The following TIAM1 variants were observed in gnomAD, a reference collection of about 807,000 sequenced individuals.
TIAM1 encodes rho guanine nucleotide exchange factor TIAM1.
A neutral mutation model predicts 163.5 loss-of-function variants in TIAM1; 65 were observed. The ratio of observed to expected loss-of-function variants is 0.40; its 90% CI spans 0.33 to 0.49. The LOEUF (loss-of-function observed/expected upper bound fraction) is 0.49. TIAM1 is among the 20% of genes least tolerant of loss of function. The probability of loss-of-function intolerance (pLI) is 0.77; values close to 1 mark genes in which losing one functional copy is unlikely to be tolerated. For synonymous variants in TIAM1, 833 were observed against 810.1 expected (o/e 1.03, Z -0.48); for missense variants, 1,789 against 2,044.7 (o/e 0.87, Z 2.41).
intron 15 of TIAM1, among the ~76,000 whole-genome samples, chr21:31,171,395 T>C (rs2084506907): frequency 6.6e-6 from 1 of 152,226 alleles, no homozygotes; most frequent in South Asian, 2.1e-4. Context: ...TAAACACTTT[T>C]GTTTGTAAAA....
chr21:31,294,525 G>A (rs1167093055), intron 2 of TIAM1, among the ~76,000 whole-genome samples: 4 of 152,098 alleles, frequency 2.6e-5, no homozygotes, highest in South Asian at 2.1e-4. Context: ...TGTTAACTTC[G>A]GGAAAATCAG....
rs56691495 is a variant in TIAM1, at chr21:31,473,429, C to CAAAAAAAAAAAAAA, written c.-421-9408_-421-9395dup. 9.2e-5 allele frequency among the ~76,000 whole-genome samples: 7 copies of CAAAAAAAAAAAAAA among 75,738 alleles called. 1 individual carries two copies. The highest frequency in any genetic ancestry group is 8.5e-5 in the African/African-American group (2 of 23,618). The allele number at this position is 75,738 out of a possible 152,430, so 49.7% of individuals were successfully genotyped here. A position where few individuals can be genotyped will look rare whatever the true frequency, so the allele number is the denominator to read the frequency against. Reference sequence around the variant, plus strand: ...TGGGGGACAGATCAAGACTCCATCTCAAAAAAAAAAAAAAAAAAAAAAAAA... The same window carrying CAAAAAAAAAAAAAA: ...TGGGGGACAGATCAAGACTCCATCTCAAAAAAAAAAAAAAAAAAAAAAAAAAAAAAAAAAAAAAA... On this transcript the variant is annotated intron_variant, in intron 1 of 28. Coordinates refer to the TIAM1 transcript ENST00000286827.
chr21:31,532,771 C>T (rs937777330), intron 1 of TIAM1, among the ~76,000 whole-genome samples: 13 of 152,222 alleles, frequency 8.5e-5, no homozygotes, highest in African/African-American at 2.2e-4. Context: ...GCATGGGCAA[C>T]GTGGCCAAAT....
intron 13 of TIAM1, among the ~76,000 whole-genome samples, chr21:31,194,456 T>G (rs1259233396): frequency 6.6e-6 from 1 of 152,150 alleles, no homozygotes; most frequent in Non-Finnish European, 1.5e-5. Context: ...TTCTCAAAAT[T>G]TATAGTTTTC....
rs140225739 is a variant in TIAM1 at position 31,333,544 on chromosome 21, C to T, written c.-189+5699G>A. Reference sequence around the variant, plus strand: ...CCTCAACCTTCTGGGCTCAAGCAATCCTCCCGCCTCAGCTTCCTGCGTAGC... The same window carrying T: ...CCTCAACCTTCTGGGCTCAAGCAATTCTCCCGCCTCAGCTTCCTGCGTAGC... On this transcript the variant is annotated intron_variant, in intron 2 of 27. Transcript: ENST00000541036. 1.1e-3 allele frequency among the ~76,000 whole-genome samples: 174 copies of T among 152,206 alleles called. 1 individual carries two copies. The highest frequency in any genetic ancestry group is 3.2e-3 in the African/African-American group (131 of 41,532).
rs558542672 is a variant in TIAM1 at position 31,161,841 on chromosome 21, AG to A, written c.2991+3120del. On this transcript the variant is annotated intron_variant, in intron 16 of 27. Transcript: ENST00000541036. ...AAAATTAATTTTCAGCTTATTCTCA[AG>A]AAAAGCTTCACACTTATATAGGAGA... Among the ~76,000 whole-genome samples, 4 of 152,354 alleles carry A rather than the reference AG, an allele frequency of 2.6e-5. No homozygotes were observed. In the South Asian group the frequency reaches 8.3e-4, roughly 32 times the overall value.
chr21:31,312,691 G>A (rs569451906), intron 2 of TIAM1, among the ~76,000 whole-genome samples: 139 of 152,246 alleles, frequency 9.1e-4, no homozygotes, highest in African/African-American at 3.2e-3. Flanking sequence ...GGCTTGGAGA[G>A]GTCAACTATA....
chr21:31,525,832 G>A (rs1373792047), intron 1 of TIAM1, among the ~76,000 whole-genome samples: 1 of 151,820 alleles, frequency 6.6e-6, no homozygotes, highest in African/African-American at 2.4e-5. Flanking sequence ...TCAGGAGTTC[G>A]AGGCCAGCCT....
At chr21:31,380,917 T>G (rs1197377338) in intron 2 of TIAM1, among the ~76,000 whole-genome samples, 1 of 152,200 alleles carries the variant, frequency 6.6e-6, no homozygotes, top group Admixed American at 6.5e-5. Flanking sequence ...TTGAATGACC[T>G]GGGATCCTCC....
At chr21:31,368,895 T>C (rs1392258247) in intron 2 of TIAM1, among the ~76,000 whole-genome samples, 3 of 152,178 alleles carry the variant, frequency 2.0e-5, no homozygotes, top group Admixed American at 2.0e-4. Flanking sequence ...TGTAAGATAC[T>C]TTACAAAGCA....
At chr21:31,260,650 A>G (rs986897143) in intron 4 of TIAM1, among the ~76,000 whole-genome samples, 11 of 151,636 alleles carry the variant, frequency 7.3e-5, no homozygotes, top group African/African-American at 1.7e-4. Context: ...TGCAAAATAA[A>G]TATCTCATTG....
At chr21:31,338,383 G>A (rs1487125172) in intron 2 of TIAM1, among the ~76,000 whole-genome samples, 1 of 152,232 alleles carries the variant, frequency 6.6e-6, no homozygotes, top group Non-Finnish European at 1.5e-5. Flanking sequence ...ACCTGGTAAA[G>A]GTTAAATAAT....
At chr21:31,346,860 C>T (rs2076156409), upstream of TIAM1, among the ~76,000 whole-genome samples, 2 of 152,024 alleles carry the variant, frequency 1.3e-5, no homozygotes, top group Admixed American at 6.6e-5. Context: ...TCATGATTAC[C>T]TAAGAAGGTT....
At chr21:31,521,147 G>A (rs1350111251) in intron 1 of TIAM1, among the ~76,000 whole-genome samples, 1 of 152,268 alleles carries the variant, frequency 6.6e-6, no homozygotes, top group East Asian at 1.9e-4. Context: ...ACTCTTAATT[G>A]CCTCAACTCC....
At chr21:31,404,632 A>C (rs1346058014) in intron 2 of TIAM1, among the ~76,000 whole-genome samples, 2 of 151,310 alleles carry the variant, frequency 1.3e-5, no homozygotes, top group African/African-American at 2.4e-5. Flanking sequence ...CCTCCTGAGT[A>C]GCTGGGATTA....
chr21:31,313,769 G>A (rs1183811837), intron 2 of TIAM1, among the ~76,000 whole-genome samples: 1 of 152,100 alleles, frequency 6.6e-6, no homozygotes, highest in Non-Finnish European at 1.5e-5. Flanking sequence ...TAGAGACGCG[G>A]TTTCACCATG....
At chr21:31,503,915 G>A (rs12626586) in intron 1 of TIAM1, among the ~76,000 whole-genome samples, 9,105 of 151,858 alleles carry the variant, frequency 0.06, 495 homozygotes, top group Admixed American at 0.16. Flanking sequence ...TTCTAAGCAC[G>A]ATTTGATAGA....
chr21:31,427,800 C>T (rs1484570471), intron 2 of TIAM1, among the ~76,000 whole-genome samples: 2 of 152,118 alleles, frequency 1.3e-5, no homozygotes, highest in Non-Finnish European at 2.9e-5. Context: ...CACCAGTGCA[C>T]TCCAGCCTGG....
chr21:31,528,464 G>C (rs898184908), intron 1 of TIAM1, among the ~76,000 whole-genome samples: 1 of 152,008 alleles, frequency 6.6e-6, no homozygotes, highest in Non-Finnish European at 1.5e-5. Flanking sequence ...GCTGCAGTGA[G>C]CTAGGATCGC....
Sources: gnomAD v4.1 joint callset for allele counts (sites outside exome capture counted in the v4.1 genomes callset) on GRCh38, gnomAD v4.1.1 for gene constraint, MANE v1.5 for transcripts, NCBI Gene and HGNC (gene_info 2026-07-23, HGNC 2026-07-21) for gene names.